Variants in ZDHHC11 observed in about 807,000 individuals in gnomAD.
ZDHHC11 encodes palmitoyltransferase ZDHHC11.
Under a neutral mutation model 51.3 loss-of-function variants are expected in ZDHHC11, and 44 were observed. The ratio of observed to expected loss-of-function variants is 0.86; its 90% CI spans 0.67 to 1.10. The LOEUF (loss-of-function observed/expected upper bound fraction) is 1.10, where lower values mean the gene tolerates loss of function less well. Ranked by LOEUF, ZDHHC11 falls within the 50% of genes least tolerant of loss-of-function variation. ZDHHC11 has a pLI of 0.00. For missense variants in ZDHHC11, 400 were observed against 537.7 expected (o/e 0.74, Z 2.53); for synonymous variants, 163 against 222.0 (o/e 0.73, Z 2.36).
chr5:806,409 T>A (rs1236791111), intron 11 of ZDHHC11, among the ~76,000 whole-genome samples: 1 of 151,230 alleles, frequency 6.6e-6, no homozygotes, highest in Admixed American at 6.6e-5. Context: ...AGATAAAGTC[T>A]TAGCTCTCAA....
chr5:859,969 C>G (rs985459754), upstream of ZDHHC11, among the ~76,000 whole-genome samples: 5 of 152,164 alleles, frequency 3.3e-5, no homozygotes, highest in African/African-American at 1.2e-4. Flanking sequence ...AGCAGGGGTC[C>G]CTCCAAGACC....
chr5:837,870 A>T lies in ZDHHC11; in HGVS notation c.785-390T>A, dbSNP rs567171670. Reference sequence around the variant, plus strand: ...CCCTGGGATCGCTGGCAGGGGTAAGAGACCAGCTCAGGAGGGGCCGCTCTG... The same window carrying T: ...CCCTGGGATCGCTGGCAGGGGTAAGTGACCAGCTCAGGAGGGGCCGCTCTG... On this transcript the variant is annotated intron_variant, in intron 5 of 12. Coordinates refer to ENST00000283441, the MANE Select transcript of ZDHHC11 (RefSeq NM_024786.3). Among the ~76,000 whole-genome samples, 6 of 152,034 alleles carry T rather than the reference A, an allele frequency of 3.9e-5. No individual in the cohort carries two copies. The East Asian group carries it at 1.2e-3, about 29-fold the overall frequency.
At chr5:855,678 G>A (rs1250717569), upstream of ZDHHC11, among the ~76,000 whole-genome samples, 4 of 145,118 alleles carry the variant, frequency 2.8e-5, no homozygotes, top group Non-Finnish European at 6.0e-5. Flanking sequence ...CGGGGGGACA[G>A]ACCCCACGGA....
upstream of ZDHHC11, among the ~76,000 whole-genome samples, chr5:852,814 G>A (rs1168484599): frequency 3.4e-5 from 5 of 147,592 alleles, no homozygotes; most frequent in South Asian, 2.2e-4. Context: ...AGCGGGGACA[G>A]ACCCCACGGA....
chr5:803,167 A>C lies in ZDHHC11; in HGVS notation c.1182-2003T>G, dbSNP rs541920591. Among the ~76,000 whole-genome samples, 5 of 151,474 alleles carry C rather than the reference A, an allele frequency of 3.3e-5. No homozygotes were observed. In the East Asian group the frequency reaches 9.6e-4, roughly 29 times the overall value. The stretch of plus-strand genomic sequence containing the variant: ...GGAGCAGCTGGCTGATGTCACAGTG[A>C]GCATCAGGAACCTTGTCCTCAATAA... On this transcript the variant is annotated intron_variant, in intron 11 of 12. Transcript: ENST00000283441.
intron 3 of ZDHHC11, 105 bp downstream of exon 3, chr5:847,409 G>T (rs552854867): frequency 2.0e-6 from 3 of 1,493,210 alleles, no homozygotes; most frequent in Non-Finnish European, 1.8e-6. Flanking sequence ...GCGGCCCCAA[G>T]AGGACCCTCC....
chr5:823,890 T>G, intron 8 of ZDHHC11: 1 of 361,518 alleles, frequency 2.8e-6, no homozygotes, highest in Non-Finnish European at 5.6e-6. Flanking sequence ...TGAGGGAACT[T>G]TGGTGGCTGA....
intron 7 of ZDHHC11, 24 bp from the exon 8 acceptor site, chr5:825,275 G>A (rs375675734): frequency 6.2e-7 from 1 of 1,607,894 alleles, no homozygotes. Flanking sequence ...AAGGAGGAGA[G>A]AAACTCATCT....
At chr5:822,107 T>G (rs1017404955) in intron 8 of ZDHHC11, among the ~76,000 whole-genome samples, 2 of 151,404 alleles carry the variant, frequency 1.3e-5, no homozygotes, top group East Asian at 3.9e-4. Flanking sequence ...TCCTCCAAAT[T>G]CATAGGTTGA....
rs1474378929 is a variant in ZDHHC11, at chr5:796,104, G to A, written c.*484C>T. Reference sequence around the variant, plus strand: ...TACTGTGCTCCCATTTTGCAGTGCTGTGAGCCCCCATTTCCCAGTACTGTG... The same window carrying A: ...TACTGTGCTCCCATTTTGCAGTGCTATGAGCCCCCATTTCCCAGTACTGTG... On this transcript the variant is annotated 3_prime_UTR_variant, in exon 13 of 13. Transcript: ENST00000283441. The A allele has an allele frequency of 1.9e-5, 3 of 156,720 alleles. No individual in the cohort carries two copies. 9.7% of individuals were successfully genotyped at this position (156,720 alleles called of 1,614,324 possible).
intron 11 of ZDHHC11, among the ~76,000 whole-genome samples, chr5:802,856 A>C (rs1738653191): frequency 2.3e-5 from 3 of 130,558 alleles, no homozygotes; most frequent in African/African-American, 8.6e-5. Flanking sequence ...AAAAAAAAAA[A>C]AAAAAAAAAA....
At chr5:804,247 C>T (rs1738915781) in intron 11 of ZDHHC11, among the ~76,000 whole-genome samples, 1 of 151,226 alleles carries the variant, frequency 6.6e-6, no homozygotes, top group Non-Finnish European at 1.5e-5. Flanking sequence ...CTGCCCTGCT[C>T]TGCCCACCCA....
At chr5:822,806 G>C (rs1462614708) in intron 8 of ZDHHC11, among the ~76,000 whole-genome samples, 2 of 151,926 alleles carry the variant, frequency 1.3e-5, no homozygotes, top group African/African-American at 2.4e-5. Flanking sequence ...CTTTGTGCCT[G>C]GATGGTATCC....
At chr5:819,063 T>C (rs1025239384) in intron 10 of ZDHHC11, among the ~76,000 whole-genome samples, 1 of 151,474 alleles carries the variant, frequency 6.6e-6, no homozygotes, top group African/African-American at 2.4e-5. Flanking sequence ...CACCAACACA[T>C]ACGTGCACAT....
At chr5:807,186 A>T (rs1739382469) in intron 11 of ZDHHC11, among the ~76,000 whole-genome samples, 1 of 151,034 alleles carries the variant, frequency 6.6e-6, no homozygotes, top group Non-Finnish European at 1.5e-5. Flanking sequence ...TTGGCAATTT[A>T]GTACCAAGTG....
chr5:854,603 G>A (rs569436628), upstream of ZDHHC11, among the ~76,000 whole-genome samples: 3 of 139,850 alleles, frequency 2.1e-5, no homozygotes, highest in Non-Finnish European at 3.1e-5. Flanking sequence ...GACAGCGAGC[G>A]AGTGGCACAG....
At chr5:828,472 T>A (rs1742636644) in intron 7 of ZDHHC11, among the ~76,000 whole-genome samples, 1 of 151,084 alleles carries the variant, frequency 6.6e-6, no homozygotes, top group South Asian at 2.1e-4. Context: ...CCCACCTCCC[T>A]CCCGGACGGG....
Position 837,351 on chromosome 5 carries a change from G to A in ZDHHC11, c.900+14C>T, listed in dbSNP as rs377718838. 64 of 1,613,612 alleles carry A rather than the reference G, an allele frequency of 4.0e-5. No homozygotes were observed. The highest frequency in any genetic ancestry group is 5.2e-5 in the Non-Finnish European group (61 of 1,179,656). ...CCCAGGCCTGGAGAAATGGAGCAGA[G>A]AGACAGGTGGTACCTGGAGAACTCC... On this transcript the variant is annotated intron_variant, in intron 6 of 12. Coordinates refer to ENST00000283441, the MANE Select transcript of ZDHHC11 (RefSeq NM_024786.3).
At chr5:848,895 G>GCCTGCACACCCAGC (rs1254132222) in intron 1 of ZDHHC11, among the ~76,000 whole-genome samples, 1 of 144,236 alleles carries the variant, frequency 6.9e-6, no homozygotes, top group African/African-American at 2.6e-5. Context: ...GCTCACCTGG[G>GCCTGCACACCCAGC]CCTGCACACC....
Sources: gnomAD v4.1 joint callset for allele counts (sites outside exome capture counted in the v4.1 genomes callset) on GRCh38, gnomAD v4.1.1 for gene constraint, MANE v1.5 for transcripts, NCBI Gene and HGNC (gene_info 2026-07-23, HGNC 2026-07-21) for gene names.